Variants in NFKB1 observed in about 807,000 individuals in gnomAD.
The protein encoded by NFKB1 is nuclear factor NF-kappa-B p105 subunit.
A neutral mutation model predicts 105.1 loss-of-function variants in NFKB1; 9 were observed. The ratio of observed to expected loss-of-function variants is 0.09; its 90% CI spans 0.05 to 0.15. The LOEUF (loss-of-function observed/expected upper bound fraction) is 0.15. Ranked by LOEUF, NFKB1 falls within the 10% of genes least tolerant of loss-of-function variation. The pLI is 1.00. For missense variants in NFKB1, 830 were observed against 1,203.7 expected, an observed-to-expected ratio of 0.69 and a Z score of 4.59; for synonymous variants, 440 against 442.2, an observed-to-expected ratio of 1.00 and a Z score of 0.06.
At chr4:102,513,624 G>C (rs1276347615) in intron 1 of NFKB1, among the ~76,000 whole-genome samples, 1 of 152,058 alleles carries the variant, frequency 6.6e-6, no homozygotes, top group African/African-American at 2.4e-5. Context: ...CTTCTTTCAG[G>C]GGGGTGAGGT....
At chr4:102,574,720 A>G (rs1724672024) in intron 6 of NFKB1, among the ~76,000 whole-genome samples, 1 of 152,112 alleles carries the variant, frequency 6.6e-6, no homozygotes, top group Non-Finnish European at 1.5e-5. Flanking sequence ...CTAGTGTCTA[A>G]AAACCATTTC....
chr4:102,567,862 C>T (rs918293323), intron 6 of NFKB1, among the ~76,000 whole-genome samples: 2 of 152,170 alleles, frequency 1.3e-5, no homozygotes, highest in African/African-American at 2.4e-5. Context: ...ACTAAAATGG[C>T]ACACAGAATA....
chr4:102,602,059 T>C (rs1387577969), intron 16 of NFKB1, among the ~76,000 whole-genome samples: 1 of 152,196 alleles, frequency 6.6e-6, no homozygotes, highest in Admixed American at 6.5e-5. Flanking sequence ...TGTAATTATT[T>C]ACTTAGTAAA....
intron 5 of NFKB1, among the ~76,000 whole-genome samples, chr4:102,558,336 T>G (rs1390860857): frequency 1.3e-5 from 2 of 152,138 alleles, no homozygotes. Flanking sequence ...TTGCTAAGGA[T>G]AATGACCTCC....
chr4:102,569,630 T>C (rs527490746), intron 6 of NFKB1, among the ~76,000 whole-genome samples: 2 of 152,146 alleles, frequency 1.3e-5, no homozygotes, highest in Non-Finnish European at 2.9e-5. Context: ...TAATCCAACA[T>C]ACCAAAAAAG....
At chr4:102,584,873 G>A (rs1049515659) in intron 11 of NFKB1, 53 bp downstream of exon 11, 55 of 1,516,166 alleles carry the variant, frequency 3.6e-5, no homozygotes, top group Non-Finnish European at 4.4e-5. Context: ...TTTTATTTTT[G>A]GTTTTTGTTT....
At chr4:102,575,372 C>T (rs1012528842) in intron 6 of NFKB1, among the ~76,000 whole-genome samples, 2 of 152,128 alleles carry the variant, frequency 1.3e-5, no homozygotes, top group African/African-American at 4.8e-5. Context: ...TCTGACCTTC[C>T]TACCTTAGCT....
At chr4:102,583,092 G>C in intron 10 of NFKB1, 135 bp downstream of exon 10, 1 of 527,432 alleles carries the variant, frequency 1.9e-6, no homozygotes, top group Non-Finnish European at 3.3e-6. Flanking sequence ...GGATCCTCCT[G>C]TCTCAACCTA....
At chr4:102,585,915 G>A (rs772322569) in intron 11 of NFKB1, among the ~76,000 whole-genome samples, 2 of 152,142 alleles carry the variant, frequency 1.3e-5, no homozygotes, top group Admixed American at 6.5e-5. Context: ...TGTTCTGAGC[G>A]CTCGGATGGA....
At chr4:102,509,321 A>G (rs1342482307) in intron 1 of NFKB1, among the ~76,000 whole-genome samples, 1 of 152,364 alleles carries the variant, frequency 6.6e-6, no homozygotes, top group Non-Finnish European at 1.5e-5. Flanking sequence ...AAACCATTAC[A>G]TAATCATTTA....
intron 4 of NFKB1, chr4:102,537,586 T>A (rs181054193): frequency 1.9e-5 from 5 of 258,730 alleles, no homozygotes; most frequent in African/African-American, 1.1e-4. Flanking sequence ...TTCAGCAGAT[T>A]ACTCTCCACA....
intron 4 of NFKB1, among the ~76,000 whole-genome samples, chr4:102,534,257 C>T (rs921414651): frequency 2.0e-5 from 3 of 152,160 alleles, no homozygotes; most frequent in African/African-American, 7.2e-5. Context: ...ATGCACTGAG[C>T]GATATCCATC....
chr4:102,550,616 A>G (rs1178538304), intron 5 of NFKB1, among the ~76,000 whole-genome samples: 2 of 152,196 alleles, frequency 1.3e-5, no homozygotes, highest in South Asian at 4.1e-4. Flanking sequence ...GCTCAGTCCA[A>G]TAATTCACAC....
rs1578797365 is a variant in NFKB1 at position 102,586,384 on chromosome 4, A to C, written c.1066+1564A>C. Among the ~76,000 whole-genome samples the C allele has an allele frequency of 5.3e-5, 8 of 152,226 alleles. 2 individuals are homozygous for C. Among genetic ancestry groups the C allele is most frequent in the Admixed American group, 5.2e-4 (8 of 15,290 alleles). ...GGGAAAAGAAGGAGCTCAGAGTAAA[A>C]CATGTTATATTTTAGGTCCCTGTGG... On this transcript the variant is annotated intron_variant, in intron 11 of 23. Coordinates refer to ENST00000226574, the MANE Select transcript of NFKB1 (RefSeq NM_003998.4).
chr4:102,560,925 T>G (rs188507546), intron 5 of NFKB1, among the ~76,000 whole-genome samples: 2 of 152,056 alleles, frequency 1.3e-5, no homozygotes, highest in Admixed American at 1.3e-4. Flanking sequence ...AGTCATGTGA[T>G]TGGCCCATTG....
chr4:102,512,953 A>C, intron 1 of NFKB1, among the ~76,000 whole-genome samples: 1 of 152,252 alleles, frequency 6.6e-6, no homozygotes. Flanking sequence ...GAACTGGATC[A>C]GTTTCTCTGT....
At chr4:102,576,590 G>A (rs1027876857) in intron 6 of NFKB1, among the ~76,000 whole-genome samples, 3 of 152,068 alleles carry the variant, frequency 2.0e-5, no homozygotes, top group African/African-American at 7.2e-5. Flanking sequence ...TTTCCATTTG[G>A]TGAGTCCAAT....
chr4:102,599,721 T>G (rs979066349), intron 15 of NFKB1, among the ~76,000 whole-genome samples: 22 of 152,212 alleles, frequency 1.4e-4, no homozygotes, highest in African/African-American at 4.3e-4. Flanking sequence ...CGCCTGCAAG[T>G]CTCAGTTTCA....
At position 102,574,588 on chromosome 4, in the gene NFKB1, T is replaced by C. The variant is rs549873204; in HGVS notation, c.408-2288T>C. The stretch of plus-strand genomic sequence containing the variant: ...CAACCTCAGAGATTGCCAGGCTCTG[T>C]TGGGGTTCCTCCTTCCTGTGCTGCA... On this transcript the variant is annotated intron_variant, in intron 6 of 23. Coordinates refer to ENST00000226574, the MANE Select transcript of NFKB1 (RefSeq NM_003998.4). Among the ~76,000 whole-genome samples the C allele has an allele frequency of 3.9e-5, 6 of 152,260 alleles. No homozygotes were observed. The East Asian group carries it at 1.2e-3, about 29-fold the overall frequency.
Sources: gnomAD v4.1 joint callset for allele counts (sites outside exome capture counted in the v4.1 genomes callset) on GRCh38, gnomAD v4.1.1 for gene constraint, MANE v1.5 for transcripts, NCBI Gene and HGNC (gene_info 2026-07-23, HGNC 2026-07-21) for gene names.